The following TCEA1 variants were observed in gnomAD, a reference collection of about 807,000 sequenced individuals.
TCEA1 encodes transcription elongation factor A protein 1.
TCEA1 carries 21 observed loss-of-function variants against 43.8 expected under a neutral mutation model. That is an observed-to-expected ratio of 0.48 (90% CI 0.34 to 0.69). The LOEUF (loss-of-function observed/expected upper bound fraction) is 0.69. Ranked by LOEUF, TCEA1 falls within the 30% of genes least tolerant of loss-of-function variation. The probability of loss-of-function intolerance (pLI) is 0.01; values close to 1 mark genes in which losing one functional copy is unlikely to be tolerated. For synonymous variants in TCEA1, 104 were observed against 117.5 expected, an observed-to-expected ratio of 0.88 and a Z score of 0.75; for missense variants, 250 against 365.1, an observed-to-expected ratio of 0.68 and a Z score of 2.57.
intron 2 of TCEA1, chr8:54,010,154 T>A: frequency 3.0e-6 from 1 of 336,856 alleles, no homozygotes; most frequent in Non-Finnish European, 5.3e-6. Context: ...GGAGACCAAA[T>A]CAGGGCCAAG....
At chr8:53,997,038 T>TGGGACTA (rs956269214) in intron 3 of TCEA1, among the ~76,000 whole-genome samples, 2 of 151,848 alleles carry the variant, frequency 1.3e-5, no homozygotes, top group Non-Finnish European at 2.9e-5. Context: ...TAGCAGTAGC[T>TGGGACTA]GGGACTACAG....
At chr8:53,997,062 C>T (rs768956223) in intron 3 of TCEA1, among the ~76,000 whole-genome samples, 8 of 151,960 alleles carry the variant, frequency 5.3e-5, no homozygotes, top group South Asian at 4.2e-4. Context: ...CTCACCATCA[C>T]ACTCAGCTAA....
chr8:53,988,119 G>A lies in TCEA1; in HGVS notation c.461C>T (p.Thr154Ile). ...ATAACATGCACTGGACTTACCCCCT[G>A]TTCGAAGAGCTGCAGCAAGCATCTC... Reference protein sequence around the residue: ...CREMLAAALRTGDDYIAIGAD... With the variant: ...CREMLAAALRIGDDYIAIGAD... Residue 154 changes from threonine (T) to isoleucine (I), a missense_variant, in exon 5 of 10, where the codon ACA becomes ATA. Physicochemically the swap from Thr to Ile is moderately conservative, Grantham distance 89. Coordinates refer to ENST00000521604, the MANE Select transcript of TCEA1 (RefSeq NM_006756.4). 3 of 1,610,950 alleles carry A rather than the reference G, an allele frequency of 1.9e-6. No homozygotes were observed. Among genetic ancestry groups the A allele is most frequent in the Non-Finnish European group, 2.5e-6 (3 of 1,179,346 alleles).
At chr8:53,979,491 G>C (rs1342632461) in intron 7 of TCEA1, among the ~76,000 whole-genome samples, 1 of 152,160 alleles carries the variant, frequency 6.6e-6, no homozygotes, top group East Asian at 1.9e-4. Flanking sequence ...GTCACAGGCT[G>C]GCTGTCTTCC....
At chr8:53,969,374 C>T (rs1472146873) in intron 9 of TCEA1, among the ~76,000 whole-genome samples, 8 of 152,080 alleles carry the variant, frequency 5.3e-5, no homozygotes, top group African/African-American at 1.9e-4. Context: ...TGGATATCTT[C>T]GACATGGTTT....
In TCEA1 at chr8:53,988,314, A is replaced by G. The variant is rs192862337; in HGVS notation, c.321-55T>C. 5.1e-6 allele frequency: 8 copies of G among 1,578,730 alleles called. No individual in the cohort carries two copies. The African/African-American group carries it at 8.0e-5, about 16-fold the overall frequency. On this transcript the variant is annotated intron_variant, in intron 4 of 9. Transcript: ENST00000521604. ...AATCAAGAACAATCCTTTCAAAGTA[A>G]CAATACTACTATCATGCTGTAAAAA...
chr8:53,996,069 C>T (rs972080987), intron 3 of TCEA1, among the ~76,000 whole-genome samples: 9 of 152,188 alleles, frequency 5.9e-5, no homozygotes, highest in Non-Finnish European at 1.3e-4. Flanking sequence ...GGGTAGAAAG[C>T]ATTTAAAAGG....
chr8:53,973,613 C>CTG, intron 8 of TCEA1: 2 of 567,730 alleles, frequency 3.5e-6, no homozygotes, highest in South Asian at 3.1e-5. Context: ...GTAAGAAACA[C>CTG]TTCAATTACA....
chr8:54,016,713 G>A (rs1312529340), intron 1 of TCEA1, among the ~76,000 whole-genome samples: 1 of 151,736 alleles, frequency 6.6e-6, no homozygotes, highest in Admixed American at 6.6e-5. Context: ...TGTGGCTCAC[G>A]CGTGGAAATC....
chr8:54,016,918 G>C (rs1484204446), intron 1 of TCEA1, among the ~76,000 whole-genome samples: 1 of 144,214 alleles, frequency 6.9e-6, no homozygotes, highest in Non-Finnish European at 1.5e-5. Flanking sequence ...AGGTTGCAGT[G>C]AGCCGAGATC....
intron 2 of TCEA1, among the ~76,000 whole-genome samples, chr8:54,006,378 C>T (rs1024845053): frequency 6.6e-6 from 1 of 152,154 alleles, no homozygotes; most frequent in African/African-American, 2.4e-5. Context: ...ACTCAGGAGG[C>T]TGAGGCAGGA....
intron 3 of TCEA1, among the ~76,000 whole-genome samples, chr8:53,995,294 CAAAAAAAAAA>C (rs925755044): frequency 0.01 from 606 of 57,950 alleles, 6 homozygotes; most frequent in African/African-American, 0.037. Context: ...GACTCTGTCT[CAAAAAAAAAA>C]AAAAAAAAAA....
chr8:53,991,470 G>A (rs192314282), intron 4 of TCEA1, among the ~76,000 whole-genome samples: 32 of 151,706 alleles, frequency 2.1e-4, no homozygotes, highest in Admixed American at 5.3e-4. Flanking sequence ...CAAGGCGGGC[G>A]GATCACCTGA....
chr8:53,971,211 A>G (rs779418827), intron 8 of TCEA1: 13 of 152,262 alleles, frequency 8.5e-5, no homozygotes, highest in Non-Finnish European at 1.6e-4. Flanking sequence ...AATGTTCAGC[A>G]AGATCAAAAG....
chr8:54,004,836 A>C (rs1804389376), intron 2 of TCEA1, among the ~76,000 whole-genome samples: 1 of 152,196 alleles, frequency 6.6e-6, no homozygotes, highest in Non-Finnish European at 1.5e-5. Flanking sequence ...ATAAGTTCCA[A>C]GACAGCAGGG....
intron 3 of TCEA1, among the ~76,000 whole-genome samples, chr8:53,996,487 A>C (rs1248943847): frequency 6.6e-6 from 1 of 152,242 alleles, no homozygotes; most frequent in Non-Finnish European, 1.5e-5. Context: ...GGCACATCTT[A>C]AGTACTCAAC....
chr8:54,010,042 AG>A (rs1356209168), intron 2 of TCEA1: 1 of 192,450 alleles, frequency 5.2e-6, no homozygotes, highest in Non-Finnish European at 1.0e-5. Flanking sequence ...TAAAAAAAAA[AG>A]AAAAAAAAAG....
chr8:53,970,831 T>C (rs1803135308), intron 8 of TCEA1, among the ~76,000 whole-genome samples: 1 of 152,056 alleles, frequency 6.6e-6, no homozygotes, highest in African/African-American at 2.4e-5. Flanking sequence ...ATGAATAAAT[T>C]TAAACATATG....
chr8:53,974,937 T>C (rs1441703215), intron 8 of TCEA1, among the ~76,000 whole-genome samples: 3 of 152,020 alleles, frequency 2.0e-5, no homozygotes, highest in African/African-American at 7.2e-5. Context: ...ATATATATAA[T>C]ACATTAATTT....
Sources: gnomAD v4.1 joint callset for allele counts (sites outside exome capture counted in the v4.1 genomes callset) on GRCh38, gnomAD v4.1.1 for gene constraint, MANE v1.5 for transcripts, NCBI Gene and HGNC (gene_info 2026-07-23, HGNC 2026-07-21) for gene names.